Variants in FSTL5 observed in about 807,000 individuals in gnomAD.
FSTL5 encodes the protein follistatin-related protein 5.
FSTL5 carries 62 observed loss-of-function variants against 89.1 expected under a neutral mutation model. The observed-to-expected ratio is 0.70, with a 90% CI of 0.57 to 0.86. FSTL5 has a LOEUF of 0.86. Ranked by LOEUF, FSTL5 falls within the 40% of genes least tolerant of loss-of-function variation. FSTL5 has a pLI of 0.00. For synonymous variants in FSTL5, 383 were observed against 346.2 expected, an observed-to-expected ratio of 1.11 and a Z score of -1.18; for missense variants, 1,057 against 1,001.6, an observed-to-expected ratio of 1.06 and a Z score of -0.75.
chr4:161,591,578 T>C (rs1365745252), intron 7 of FSTL5, among the ~76,000 whole-genome samples: 3 of 152,198 alleles, frequency 2.0e-5, no homozygotes, highest in Non-Finnish European at 4.4e-5. Context: ...ATGAAATCTT[T>C]TGTGAGTATG....
intron 6 of FSTL5, among the ~76,000 whole-genome samples, chr4:161,689,057 A>G: frequency 6.6e-6 from 1 of 152,130 alleles, no homozygotes; most frequent in Admixed American, 6.5e-5. Context: ...GTCGCTATAC[A>G]CAGCTGTATA....
chr4:161,716,220 G>A (rs1738976144), intron 6 of FSTL5, among the ~76,000 whole-genome samples: 1 of 152,078 alleles, frequency 6.6e-6, no homozygotes. Flanking sequence ...CAACATCCTA[G>A]ATGTGTGCAT....
At chr4:161,442,147 G>GTTTT (rs58107906) in intron 15 of FSTL5, among the ~76,000 whole-genome samples, 14 of 142,830 alleles carry the variant, frequency 9.8e-5, no homozygotes, top group African/African-American at 3.3e-4. Flanking sequence ...TCTATAAAAG[G>GTTTT]TTTTTTTTTT....
At chr4:161,833,242 G>A (rs1388883381) in intron 4 of FSTL5, among the ~76,000 whole-genome samples, 4 of 151,948 alleles carry the variant, frequency 2.6e-5, no homozygotes, top group Admixed American at 1.3e-4. Context: ...TGTGGTCTGA[G>A]AGACAGTTTG....
At chr4:162,048,940 T>C (rs906397789) in intron 2 of FSTL5, among the ~76,000 whole-genome samples, 18 of 152,150 alleles carry the variant, frequency 1.2e-4, no homozygotes, top group African/African-American at 4.3e-4. Flanking sequence ...CAAAGGGTCT[T>C]AAGACAGTGC....
intron 4 of FSTL5, among the ~76,000 whole-genome samples, chr4:161,834,373 T>C (rs1274666224): frequency 6.6e-6 from 1 of 152,098 alleles, no homozygotes; most frequent in Non-Finnish European, 1.5e-5. Flanking sequence ...CTGGAAGCAT[T>C]CCCTTTGAAA....
intron 6 of FSTL5, among the ~76,000 whole-genome samples, chr4:161,699,372 T>C (rs879760724): frequency 6.6e-5 from 10 of 152,186 alleles, no homozygotes; most frequent in Admixed American, 2.0e-4. Context: ...ATTGAACATG[T>C]GTTATCTTTC....
intron 4 of FSTL5, among the ~76,000 whole-genome samples, chr4:161,851,884 C>A (rs2126881549): frequency 9.1e-6 from 1 of 109,870 alleles, no homozygotes; most frequent in Admixed American, 1.1e-4. Context: ...CCCAATTGAT[C>A]TCATCCCTAC....
At chr4:162,108,534 A>G (rs1731314429) in intron 2 of FSTL5, among the ~76,000 whole-genome samples, 1 of 151,924 alleles carries the variant, frequency 6.6e-6, no homozygotes, top group Admixed American at 6.6e-5. Context: ...TTTCTAGTCA[A>G]TAAGTAATAT....
Position 161,967,664 on chromosome 4 carries a change from C to A in FSTL5, c.161-47012G>T, listed in dbSNP as rs1054517024. On this transcript the variant is annotated intron_variant, in intron 3 of 15. Transcript: ENST00000306100. The stretch of plus-strand genomic sequence containing the variant: ...AAAATTAGGTGCAGACAAAAACATT[C>A]TCTGAAACTATTAATTTGGAGTGAT... Among the ~76,000 whole-genome samples, 11 of 152,014 alleles carry A rather than the reference C, an allele frequency of 7.2e-5. 1 individual carries two copies. Among genetic ancestry groups the A allele is most frequent in the South Asian group, 4.1e-4 (2 of 4,830 alleles).
At chr4:161,471,844 G>A (rs1479611096) in intron 13 of FSTL5, among the ~76,000 whole-genome samples, 10 of 151,976 alleles carry the variant, frequency 6.6e-5, no homozygotes, top group African/African-American at 2.4e-4. Flanking sequence ...AATTGTTCAT[G>A]GTACTCTCTT....
At chr4:161,553,586 C>T (rs576633363) in intron 8 of FSTL5, among the ~76,000 whole-genome samples, 2 of 151,028 alleles carry the variant, frequency 1.3e-5, no homozygotes, top group African/African-American at 2.4e-5. Flanking sequence ...TTGAAACTAG[C>T]CAAGTGGAGC....
At chr4:161,627,860 T>A (rs182740159) in intron 7 of FSTL5, among the ~76,000 whole-genome samples, 21 of 152,170 alleles carry the variant, frequency 1.4e-4, no homozygotes, top group Admixed American at 5.2e-4. Flanking sequence ...TAAGAAGAAT[T>A]TTGATATATA....
At chr4:161,656,518 T>C in intron 6 of FSTL5, 24 bp from the exon 7 acceptor site, 1 of 1,457,634 alleles carries the variant, frequency 6.9e-7, no homozygotes, top group Non-Finnish European at 9.1e-7. Flanking sequence ...GTGTCAGTAA[T>C]GTTGATGAGC....
intron 3 of FSTL5, among the ~76,000 whole-genome samples, chr4:161,928,991 T>C (rs1446547936): frequency 6.6e-6 from 1 of 151,744 alleles, no homozygotes; most frequent in African/African-American, 2.4e-5. Flanking sequence ...ATGTCCTCCA[T>C]AGAGATCATC....
At chr4:161,685,929 C>T (rs964383497) in intron 6 of FSTL5, among the ~76,000 whole-genome samples, 7 of 151,996 alleles carry the variant, frequency 4.6e-5, no homozygotes, top group Admixed American at 3.3e-4. Flanking sequence ...AGGTGTGTCC[C>T]TTGTAGGCCA....
At chr4:161,865,685 T>G (rs1367549459) in intron 4 of FSTL5, among the ~76,000 whole-genome samples, 1 of 152,018 alleles carries the variant, frequency 6.6e-6, no homozygotes, top group Non-Finnish European at 1.5e-5. Context: ...CCTTCTGCCT[T>G]GATTTTAATT....
intron 6 of FSTL5, among the ~76,000 whole-genome samples, chr4:161,703,078 G>T (rs922770820): frequency 2.6e-5 from 4 of 152,074 alleles, no homozygotes; most frequent in Non-Finnish European, 5.9e-5. Context: ...ACTGTTTGAG[G>T]ACGCAGAGAG....
chr4:161,835,860 T>G (rs1216613535), intron 4 of FSTL5, among the ~76,000 whole-genome samples: 3 of 150,538 alleles, frequency 2.0e-5, no homozygotes, highest in Non-Finnish European at 3.0e-5. Flanking sequence ...TTGGTGGGAC[T>G]GTAAACTAGT....
Sources: allele counts gnomAD v4.1 joint callset (sites outside exome capture counted in the v4.1 genomes callset), GRCh38; gene constraint gnomAD v4.1.1; transcripts MANE v1.5; gene names NCBI Gene and HGNC (gene_info 2026-07-23, HGNC 2026-07-21).